HTRA1: variants seen among roughly 807,000 people sequenced by gnomAD.
The protein encoded by HTRA1 is HtrA serine peptidase 1.
Under a neutral mutation model 49.7 loss-of-function variants are expected in HTRA1, and 26 were observed. That is an observed-to-expected ratio of 0.52 (90% confidence interval 0.38 to 0.73). HTRA1 has a LOEUF of 0.73. Ranked by LOEUF, HTRA1 falls within the 30% of genes least tolerant of loss-of-function variation. The pLI is 0.00. For missense variants in HTRA1, 561 were observed against 667.2 expected, an observed-to-expected ratio of 0.84 and a Z score of 1.75; for synonymous variants, 291 against 286.9, an observed-to-expected ratio of 1.01 and a Z score of -0.14.
chr10:122,514,310 G>A lies in HTRA1; in HGVS notation c.1394G>A (p.Gly465Asp). 6.2e-7 allele frequency: 1 copy of A among 1,614,142 alleles called. No individual in the cohort carries two copies. Among genetic ancestry groups the A allele is most frequent in the South Asian group, 1.1e-5 (1 of 91,070 alleles). The change falls in exon 9 of 9, where the codon GGT (glycine) becomes GAT (aspartate). Residue 465 changes from glycine (G) to aspartate (D), a missense_variant. Physicochemically the swap from Gly to Asp is moderately conservative, Grantham distance 94. Transcript: ENST00000368984. ...ACCCTGAACATGGTGGTCCGCAGGG[G>A]TAATGAAGATATCATGATCACAGTG... ...ESTLNMVVRR[G>D]NEDIMITVIP...
At position 122,506,768 on chromosome 10, in the gene HTRA1, G is replaced by A. The variant is rs138702840; in HGVS notation, c.855G>A (p.Pro285=). 30 of 1,613,892 alleles carry A rather than the reference G, an allele frequency of 1.9e-5. No individual in the cohort carries two copies. The highest frequency in any genetic ancestry group is 1.1e-4 in the African/African-American group (8 of 75,022). The change falls in exon 4 of 9, where the codon CCG becomes CCA. Residue 285 remains proline, a synonymous_variant. Coordinates refer to ENST00000368984, the MANE Select transcript of HTRA1 (RefSeq NM_002775.5). This position sits in a 1 kb window ranked among gnomAD's most constrained non-coding sequence, Gnocchi z 5.2. ...AGTTCGTGGTCGCCATCGGAAGCCC[G>A]TTTTCCCTTCAAAACACAGTCACCA... ...PGEFVVAIGS[P]FSLQNTVTTG... is the part of the protein sequence containing the mutation.
At chr10:122,497,322 T>C (rs1214926058) in intron 3 of HTRA1, among the ~76,000 whole-genome samples, 4 of 152,248 alleles carry the variant, frequency 2.6e-5, no homozygotes, top group African/African-American at 9.6e-5. Flanking sequence ...CCTTTGTTCA[T>C]TGACCATATC....
intron 1 of HTRA1, among the ~76,000 whole-genome samples, chr10:122,467,772 G>GT (rs1260550677): frequency 6.6e-6 from 1 of 150,990 alleles, no homozygotes; most frequent in Admixed American, 6.6e-5. Context: ...CTTCTCTGCC[G>GT]TTAAAAAAAA....
rs1229692781 is a variant in HTRA1, at chr10:122,514,700, A to C, written c.*341A>C. The C allele has an allele frequency of 2.3e-5, 8 of 345,722 alleles. No individual in the cohort carries two copies. The highest frequency in any genetic ancestry group is 4.5e-5 in the Non-Finnish European group (8 of 178,990). The allele number at this position is 345,722 out of a possible 1,614,324, so 21.4% of individuals were successfully genotyped here. Reference sequence around the variant, plus strand: ...AACTAATGCAGTCGATACAATGCGTAGATAGAAGAAGCCCCACGGGAGCCA... The same window carrying C: ...AACTAATGCAGTCGATACAATGCGTCGATAGAAGAAGCCCCACGGGAGCCA... On this transcript the variant is annotated 3_prime_UTR_variant, in exon 9 of 9. Transcript: ENST00000368984.
chr10:122,487,903 A>G lies in HTRA1; in HGVS notation c.473-999A>G, dbSNP rs2097493773. ...TGGCTGAAACGTTATGTGGTGCATG[A>G]CTGTAGGTATAAAGCATTACAGTTG... On this transcript the variant is annotated intron_variant, in intron 1 of 8. Transcript: ENST00000368984. This position sits in a 1 kb window ranked among gnomAD's most constrained non-coding sequence, Gnocchi z 4.8. Among the ~76,000 whole-genome samples, 1 of 152,194 alleles carries G rather than the reference A, an allele frequency of 6.6e-6. No individual in the cohort carries two copies. The highest frequency in any genetic ancestry group is 1.5e-5 in the Non-Finnish European group (1 of 68,032).
At position 122,473,467 on chromosome 10, in the gene HTRA1, T is replaced by G. The variant is rs1446720788; in HGVS notation, c.472+11343T>G. ...AGTGATGAAAATATTTATTCAAATGTTTTGTACTCATAGGCAGAAGTATAA... is the reference window on the plus strand; with the variant it reads ...AGTGATGAAAATATTTATTCAAATGGTTTGTACTCATAGGCAGAAGTATAA... On this transcript the variant is annotated intron_variant, in intron 1 of 8. Transcript: ENST00000368984. Among the ~76,000 whole-genome samples, 2 of 152,208 alleles carry G rather than the reference T, an allele frequency of 1.3e-5. 1 individual carries two copies. Among genetic ancestry groups the G allele is most frequent in the African/African-American group, 4.8e-5 (2 of 41,436 alleles).
At chr10:122,478,923 C>T (rs1194827618) in intron 1 of HTRA1, among the ~76,000 whole-genome samples, 8 of 152,196 alleles carry the variant, frequency 5.3e-5, no homozygotes, top group Non-Finnish European at 2.9e-5. Context: ...AATTTTTGAA[C>T]AAAGGGCCCC....
chr10:122,473,817 T>C (rs1411667444), intron 1 of HTRA1, among the ~76,000 whole-genome samples: 1 of 152,242 alleles, frequency 6.6e-6, no homozygotes, highest in Admixed American at 6.5e-5. Flanking sequence ...ACATTTCATA[T>C]AAATGGAATC....
Position 122,461,952 on chromosome 10 carries a change from G to A in HTRA1, c.300G>A (p.Thr100=), listed in dbSNP as rs1368860603. 5 of 1,488,578 alleles carry A rather than the reference G, an allele frequency of 3.4e-6. No individual in the cohort carries two copies. Among genetic ancestry groups the A allele is most frequent in the African/African-American group, 2.9e-5 (2 of 68,298 alleles). The allele number at this position is 1,488,578 out of a possible 1,614,324, so 92.2% of individuals were successfully genotyped here. ...CCTTCGGGGTGCCAGCCTCGGCCAC[G>A]GTGCGGCGGCGCGCGCAGGCCGGCC... ...VVPFGVPASA[T]VRRRAQAGLC... Residue 100 remains threonine (T), a synonymous_variant, in exon 1 of 9, where the codon ACG becomes ACA. Transcript: ENST00000368984.
chr10:122,470,894 C>T (rs796351022), intron 1 of HTRA1, among the ~76,000 whole-genome samples: 5 of 152,224 alleles, frequency 3.3e-5, no homozygotes, highest in South Asian at 2.1e-4. Flanking sequence ...TTCTCTTGTC[C>T]TACTGAGACA....
intron 3 of HTRA1, among the ~76,000 whole-genome samples, chr10:122,497,574 G>A (rs1447089980): frequency 3.3e-5 from 5 of 152,058 alleles, no homozygotes; most frequent in African/African-American, 4.8e-5. Flanking sequence ...CATGACAGCC[G>A]GGAGATACAA....
chr10:122,489,401 G>A (rs780312443), intron 2 of HTRA1, 21 bp from the exon 3 acceptor site: 1 of 1,610,576 alleles, frequency 6.2e-7, no homozygotes, highest in South Asian at 1.1e-5. Context: ...AGGCTTAAGT[G>A]TGTACTCCTT....
At position 122,489,530 on chromosome 10, in the gene HTRA1, G is replaced by A. The variant is rs577922015; in HGVS notation, c.681G>A (p.Arg227=). The change falls in exon 3 of 9, where the codon CGG becomes CGA. Residue 227 remains arginine, a synonymous_variant. Transcript: ENST00000368984. ...CCCACGTGGTGACCAACAAGCACCG[G>A]GTCAAAGTTGAGCTGAAGAACGGTG... The part of the protein sequence containing the change: ...TNAHVVTNKH[R]VKVELKNGAT... The A allele has an allele frequency of 1.9e-6, 3 of 1,614,192 alleles. No individual in the cohort carries two copies. The highest frequency in any genetic ancestry group is 8.5e-7 in the Non-Finnish European group (1 of 1,180,036).
chr10:122,496,225 G>GTTTTTTTTTTTTTTTTTTTTTTTTTTT lies in HTRA1; in HGVS notation c.777+6601_777+6602insTTTTTTTTTTTTTTTTTTTTTTTTTTT, dbSNP rs1287521208. 5.5e-4 allele frequency among the ~76,000 whole-genome samples: 44 copies of GTTTTTTTTTTTTTTTTTTTTTTTTTTT among 80,384 alleles called. 20 individuals are homozygous for GTTTTTTTTTTTTTTTTTTTTTTTTTTT. Among genetic ancestry groups the GTTTTTTTTTTTTTTTTTTTTTTTTTTT allele is most frequent in the Non-Finnish European group, 6.2e-4 (27 of 43,866 alleles). The allele number at this position is 80,384 out of a possible 152,430, so 52.7% of individuals were successfully genotyped here. A position where few individuals can be genotyped will look rare whatever the true frequency, so the allele number is the denominator to read the frequency against. ...CCCTTTCGTTTGCCAGAGATTGTGG[G>GTTTTTTTTTTTTTTTTTTTTTTTTTTT]TTCTTTTTTTTTTTTTTTTTTTTTT... On this transcript the variant is annotated intron_variant, in intron 3 of 8. Transcript: ENST00000368984.
At chr10:122,473,302 G>T (rs866197294) in intron 1 of HTRA1, among the ~76,000 whole-genome samples, 3 of 152,300 alleles carry the variant, frequency 2.0e-5, no homozygotes, top group Non-Finnish European at 2.9e-5. Context: ...TGACCTGAAG[G>T]CTGGAGGTCA....
chr10:122,514,820 G>A lies in HTRA1; in HGVS notation c.*461G>A, dbSNP rs950326102. 1.0e-5 allele frequency: 2 copies of A among 191,526 alleles called. No homozygotes were observed. The highest frequency in any genetic ancestry group is 2.2e-5 in the Non-Finnish European group (2 of 91,664). 11.9% of individuals were successfully genotyped at this position (191,526 alleles called of 1,614,324 possible). A position where few individuals can be genotyped will look rare whatever the true frequency, so the allele number is the denominator to read the frequency against. On this transcript the variant is annotated 3_prime_UTR_variant, in exon 9 of 9. Coordinates refer to ENST00000368984, the MANE Select transcript of HTRA1 (RefSeq NM_002775.5). Reference sequence around the variant, plus strand: ...GTGGGTGAGCGCTGGCTTCTCAAACGGCCGAAGTTGCCTCTTTTAGGAATC... The same window carrying A: ...GTGGGTGAGCGCTGGCTTCTCAAACAGCCGAAGTTGCCTCTTTTAGGAATC...
chr10:122,480,320 C>A (rs1193369250), intron 1 of HTRA1, among the ~76,000 whole-genome samples: 1 of 149,150 alleles, frequency 6.7e-6, no homozygotes, highest in Non-Finnish European at 1.5e-5. Context: ...CGTTTGTGAA[C>A]CCCAGTTGCC....
intron 8 of HTRA1, among the ~76,000 whole-genome samples, chr10:122,512,307 T>C (rs928381051): frequency 6.6e-6 from 1 of 152,116 alleles, no homozygotes; most frequent in African/African-American, 2.4e-5. Context: ...ACCCTCCAGA[T>C]GGACAGAGCA....
intron 1 of HTRA1, among the ~76,000 whole-genome samples, chr10:122,472,038 A>G (rs1259250057): frequency 1.3e-5 from 2 of 152,216 alleles, no homozygotes; most frequent in Admixed American, 1.3e-4. Context: ...AATGGTAATT[A>G]TAATAATTTT....
Sources: allele counts gnomAD v4.1 joint callset (sites outside exome capture counted in the v4.1 genomes callset), GRCh38; gene constraint gnomAD v4.1.1; non-coding constraint Gnocchi (gnomAD v3.1); transcripts MANE v1.5; gene names NCBI Gene and HGNC (gene_info 2026-07-23, HGNC 2026-07-21).